The following RANBP17 variants were observed in gnomAD, a reference collection of about 807,000 sequenced individuals.
RANBP17 encodes the protein RAN binding protein 17.
In RANBP17, 158 loss-of-function variants were observed where a neutral mutation model predicts 141.2. The observed-to-expected ratio is 1.12, with a 90% CI of 0.98 to 1.28. The LOEUF (loss-of-function observed/expected upper bound fraction) is 1.28, where lower values mean the gene tolerates loss of function less well. Among genes scored for constraint, RANBP17 ranks in the 50% most tolerant of loss-of-function variants. The pLI is 0.00. For missense variants in RANBP17, 1,438 were observed against 1,290.7 expected (o/e 1.11, Z -1.75); for synonymous variants, 430 against 450.0 (o/e 0.96, Z 0.56).
At chr5:171,062,687 C>T (rs1783979118) in intron 14 of RANBP17, among the ~76,000 whole-genome samples, 1 of 152,094 alleles carries the variant, frequency 6.6e-6, no homozygotes, top group Non-Finnish European at 1.5e-5. Flanking sequence ...TCTGTATTTC[C>T]TGAATCTGAA....
intron 14 of RANBP17, among the ~76,000 whole-genome samples, chr5:170,986,270 TCTCAGTAC>T (rs1306913008): frequency 6.6e-6 from 1 of 152,058 alleles, no homozygotes; most frequent in Admixed American, 6.6e-5. Context: ...ACTCTGTGGC[TCTCAGTAC>T]CTGAGTAAAA....
At chr5:171,020,250 T>G (rs1178281643) in intron 14 of RANBP17, among the ~76,000 whole-genome samples, 1 of 152,178 alleles carries the variant, frequency 6.6e-6, no homozygotes, top group African/African-American at 2.4e-5. Flanking sequence ...CCTGTTGATT[T>G]GGGGTGGAGA....
In RANBP17 at chr5:171,124,644, G is replaced by C. The variant is rs1756294250; in HGVS notation, c.1711-45486G>C. Among the ~76,000 whole-genome samples the C allele has an allele frequency of 2.6e-5, 4 of 151,920 alleles. No homozygotes were observed. The South Asian group carries it at 8.3e-4, about 32-fold the overall frequency. On this transcript the variant is annotated intron_variant, in intron 14 of 27. Transcript: ENST00000523189. ...AAAAGTGTTCAGTTAACATATAAGG[G>C]AATGTTTATATGGGACAGTATCTAC... is the stretch of plus-strand genomic sequence containing the variant.
chr5:171,069,029 TCATATTCTCTACAG>T (rs1367804017), intron 14 of RANBP17, among the ~76,000 whole-genome samples: 1 of 152,214 alleles, frequency 6.6e-6, no homozygotes, highest in Non-Finnish European at 1.5e-5. Flanking sequence ...GGTCTCTATT[TCATATTCTCTACAG>T]CCAGCTGGTG....
chr5:171,236,451 TC>T (rs1038988480), intron 22 of RANBP17, among the ~76,000 whole-genome samples: 1 of 152,158 alleles, frequency 6.6e-6, no homozygotes, highest in African/African-American at 2.4e-5. Context: ...AAAACTGTAA[TC>T]CCCTGCAGCT....
chr5:170,931,418 C>A (rs1773369803), intron 12 of RANBP17, among the ~76,000 whole-genome samples: 1 of 152,098 alleles, frequency 6.6e-6, no homozygotes, highest in African/African-American at 2.4e-5. Flanking sequence ...TTAATTAGAT[C>A]CAATTTGTCA....
chr5:171,020,693 A>T (rs2127601825), intron 14 of RANBP17, among the ~76,000 whole-genome samples: 1 of 151,934 alleles, frequency 6.6e-6, no homozygotes, highest in African/African-American at 2.4e-5. Context: ...GGGTCTCCTG[A>T]ATACAGCACA....
At chr5:170,965,608 T>C (rs1187764953) in intron 13 of RANBP17, among the ~76,000 whole-genome samples, 1 of 152,188 alleles carries the variant, frequency 6.6e-6, no homozygotes, top group Non-Finnish European at 1.5e-5. Context: ...GTTTCAGCTT[T>C]CTATATATGG....
At chr5:171,142,657 A>T (rs943408871) in intron 14 of RANBP17, among the ~76,000 whole-genome samples, 1 of 152,194 alleles carries the variant, frequency 6.6e-6, no homozygotes, top group Non-Finnish European at 1.5e-5. Context: ...TTTCCTTAGA[A>T]GAAGAAGCCT....
At chr5:170,990,893 A>T in intron 14 of RANBP17, among the ~76,000 whole-genome samples, 1 of 151,964 alleles carries the variant, frequency 6.6e-6, no homozygotes, top group Non-Finnish European at 1.5e-5. Flanking sequence ...CAATAGCGTT[A>T]GTTGCTCATT....
intron 14 of RANBP17, among the ~76,000 whole-genome samples, chr5:171,036,359 A>C (rs1414511622): frequency 6.6e-6 from 1 of 151,880 alleles, no homozygotes; most frequent in Non-Finnish European, 1.5e-5. Context: ...AGAGGTCACA[A>C]TTTCCTTCTT....
intron 18 of RANBP17, among the ~76,000 whole-genome samples, chr5:171,186,877 T>C (rs1377599530): frequency 6.6e-6 from 1 of 151,954 alleles, no homozygotes; most frequent in Non-Finnish European, 1.5e-5. Context: ...TCATTGTGTG[T>C]TTTTGCTGGC....
intron 20 of RANBP17, chr5:171,205,858 C>T: frequency 1.7e-6 from 1 of 573,382 alleles, no homozygotes. Context: ...AATGACTTCC[C>T]CCAAATGATT....
chr5:170,934,091 G>A (rs1201763827), intron 12 of RANBP17, among the ~76,000 whole-genome samples: 1 of 152,094 alleles, frequency 6.6e-6, no homozygotes, highest in African/African-American at 2.4e-5. Flanking sequence ...TATGAATCTG[G>A]GTGCTCCTGT....
At chr5:171,205,178 T>C (rs1053947000) in intron 19 of RANBP17, among the ~76,000 whole-genome samples, 2 of 152,246 alleles carry the variant, frequency 1.3e-5, no homozygotes, top group African/African-American at 4.8e-5. Flanking sequence ...TTTGCTGTTA[T>C]TAAATAATGT....
intron 25 of RANBP17, among the ~76,000 whole-genome samples, chr5:171,267,874 A>G (rs1379515350): frequency 2.0e-5 from 3 of 152,186 alleles, no homozygotes; most frequent in Admixed American, 6.5e-5. Context: ...GACAGCTATG[A>G]AAGAAGGTTC....
intron 1 of RANBP17, among the ~76,000 whole-genome samples, chr5:170,875,985 A>G (rs1276442272): frequency 2.6e-5 from 4 of 152,016 alleles, no homozygotes; most frequent in South Asian, 2.1e-4. Context: ...TTTTCTTTCA[A>G]TAGTCAGGTC....
chr5:171,109,020 G>A (rs1755038813), intron 14 of RANBP17, among the ~76,000 whole-genome samples: 1 of 152,028 alleles, frequency 6.6e-6, no homozygotes, highest in Admixed American at 6.5e-5. Flanking sequence ...ACACATCACT[G>A]GTAACTCTAT....
intron 20 of RANBP17, among the ~76,000 whole-genome samples, chr5:171,209,029 T>G (rs972620144): frequency 6.6e-6 from 1 of 152,178 alleles, no homozygotes; most frequent in Admixed American, 6.5e-5. Flanking sequence ...GTTTCTTATT[T>G]ACATAAATTA....
Sources: gnomAD v4.1 joint callset for allele counts (sites outside exome capture counted in the v4.1 genomes callset) on GRCh38, gnomAD v4.1.1 for gene constraint, MANE v1.5 for transcripts, NCBI Gene and HGNC (gene_info 2026-07-23, HGNC 2026-07-21) for gene names.